The following MACROD2 variants were observed in gnomAD, a reference collection of about 807,000 sequenced individuals.
MACROD2 encodes the protein mono-ADP ribosylhydrolase 2.
Under a neutral mutation model 70.4 loss-of-function variants are expected in MACROD2, and 36 were observed. The ratio of observed to expected loss-of-function variants is 0.51; its 90% confidence interval spans 0.39 to 0.68. The LOEUF (loss-of-function observed/expected upper bound fraction) is 0.68. Ranked by LOEUF, MACROD2 falls within the 30% of genes least tolerant of loss-of-function variation. MACROD2 has a pLI of 0.00. For missense variants in MACROD2, 496 were observed against 538.4 expected (o/e 0.92, Z 0.78); for synonymous variants, 172 against 178.8 (o/e 0.96, Z 0.30).
intron 3 of MACROD2, among the ~76,000 whole-genome samples, chr20:14,347,565 C>A (rs1229215678): frequency 2.6e-5 from 4 of 152,052 alleles, no homozygotes; most frequent in Non-Finnish European, 4.4e-5. Flanking sequence ...TGGAATGTGA[C>A]CTAATCCTGC....
At chr20:15,892,994 G>A (rs1428911558) in intron 10 of MACROD2, 6 of 398,832 alleles carry the variant, frequency 1.5e-5, no homozygotes, top group African/African-American at 1.0e-4. Flanking sequence ...CAGAATGTTC[G>A]AAAGACTCTA....
intron 8 of MACROD2, among the ~76,000 whole-genome samples, chr20:15,744,828 A>T (rs12481600): frequency 0.13 from 19,867 of 152,006 alleles, 1,507 homozygotes; most frequent in Non-Finnish European, 0.16. Context: ...AACTTTTTTT[A>T]AAATTTTTTA....
intron 3 of MACROD2, among the ~76,000 whole-genome samples, chr20:14,445,056 A>G (rs942929820): frequency 1.3e-5 from 2 of 151,968 alleles, no homozygotes; most frequent in Admixed American, 1.3e-4. Flanking sequence ...GGTCTTGTTA[A>G]AATTTAAATT....
At chr20:15,371,601 T>G (rs1191254888) in intron 6 of MACROD2, among the ~76,000 whole-genome samples, 1 of 152,166 alleles carries the variant, frequency 6.6e-6, no homozygotes, top group Admixed American at 6.5e-5. Context: ...TATGGATGGA[T>G]AGTTTTTATA....
At chr20:14,037,631 G>A (rs1484688318) in intron 2 of MACROD2, among the ~76,000 whole-genome samples, 1 of 132,790 alleles carries the variant, frequency 7.5e-6, no homozygotes, top group Non-Finnish European at 1.6e-5. Flanking sequence ...CACGCCAACT[G>A]TGTGTGTGTT....
intron 5 of MACROD2, among the ~76,000 whole-genome samples, chr20:15,025,484 G>A (rs2075222886): frequency 6.6e-6 from 1 of 151,838 alleles, no homozygotes; most frequent in Non-Finnish European, 1.5e-5. Context: ...GAAACAAAGG[G>A]GGTGGGGGAG....
intron 5 of MACROD2, among the ~76,000 whole-genome samples, chr20:15,106,070 C>T (rs1209426007): frequency 6.6e-6 from 1 of 152,124 alleles, no homozygotes; most frequent in African/African-American, 2.4e-5. Context: ...CACTGCTTTG[C>T]ACCCCATAAA....
chr20:15,916,161 C>T (rs1339590443), intron 10 of MACROD2, among the ~76,000 whole-genome samples: 1 of 152,102 alleles, frequency 6.6e-6, no homozygotes, highest in Non-Finnish European at 1.5e-5. Context: ...CATATACCCC[C>T]TACCCCACCA....
At chr20:14,763,698 T>C (rs2123757495) in intron 5 of MACROD2, among the ~76,000 whole-genome samples, 1 of 152,196 alleles carries the variant, frequency 6.6e-6, no homozygotes, top group African/African-American at 2.4e-5. Context: ...ATAGAAAAAG[T>C]AACCTGTGAG....
At chr20:15,803,761 C>T (rs2063745978) in intron 8 of MACROD2, among the ~76,000 whole-genome samples, 1 of 152,144 alleles carries the variant, frequency 6.6e-6, no homozygotes, top group Non-Finnish European at 1.5e-5. Flanking sequence ...GTAGACCAGG[C>T]TTTTCCATCC....
intron 8 of MACROD2, among the ~76,000 whole-genome samples, chr20:15,679,464 C>A (rs1269762073): frequency 8.6e-6 from 1 of 116,808 alleles, no homozygotes; most frequent in African/African-American, 3.1e-5. Context: ...TGAACTGCAC[C>A]CCCCAAGGTT....
At chr20:14,076,316 A>C (rs2053915786) in intron 2 of MACROD2, among the ~76,000 whole-genome samples, 1 of 152,170 alleles carries the variant, frequency 6.6e-6, no homozygotes. Context: ...TAAATATTCC[A>C]AAAACTCCCA....
chr20:14,404,395 G>T (rs2083670856), intron 3 of MACROD2, among the ~76,000 whole-genome samples: 1 of 152,154 alleles, frequency 6.6e-6, no homozygotes. Flanking sequence ...GGAAGGCTGA[G>T]GTCGGCAGAT....
intron 3 of MACROD2, among the ~76,000 whole-genome samples, chr20:14,180,371 A>G (rs894785029): frequency 4.6e-5 from 7 of 152,118 alleles, no homozygotes; most frequent in African/African-American, 1.2e-4. Context: ...TTCCAGGTTA[A>G]TTCTTGCTTG....
At chr20:14,082,066 T>C (rs2054001766) in intron 2 of MACROD2, among the ~76,000 whole-genome samples, 1 of 152,148 alleles carries the variant, frequency 6.6e-6, no homozygotes. Flanking sequence ...TCTCAAAATA[T>C]TCCATTTTAA....
intron 5 of MACROD2, among the ~76,000 whole-genome samples, chr20:15,038,982 G>A (rs142319146): frequency 4.2e-4 from 64 of 152,248 alleles, no homozygotes; most frequent in African/African-American, 1.4e-3. Flanking sequence ...CCACTGTCAG[G>A]GCAAAGAAGT....
intron 5 of MACROD2, among the ~76,000 whole-genome samples, chr20:14,861,420 T>A (rs2073315334): frequency 1.3e-5 from 2 of 151,950 alleles, no homozygotes; most frequent in African/African-American, 2.4e-5. Context: ...CAAGACACAG[T>A]CATAGAAAGA....
Position 15,330,446 on chromosome 20 carries a change from G to T in MACROD2, c.540+100385G>T, listed in dbSNP as rs912564143. 4.4e-4 allele frequency among the ~76,000 whole-genome samples: 67 copies of T among 151,584 alleles called. 1 individual carries two copies. The highest frequency in any genetic ancestry group is 1.6e-3 in the African/African-American group (65 of 41,008). On this transcript the variant is annotated intron_variant, in intron 6 of 17. Coordinates refer to ENST00000684519, the MANE Select transcript of MACROD2 (RefSeq NM_001351661.2). Reference sequence around the variant, plus strand: ...GAAAACGGATGGAAAATGCAGAAGGGCCTCTCCCTATCAGAAGGAGAACTG... The same window carrying T: ...GAAAACGGATGGAAAATGCAGAAGGTCCTCTCCCTATCAGAAGGAGAACTG...
At chr20:14,491,388 A>G (rs1172826245) in intron 3 of MACROD2, among the ~76,000 whole-genome samples, 1 of 152,216 alleles carries the variant, frequency 6.6e-6, no homozygotes, top group Admixed American at 6.5e-5. Flanking sequence ...ATATGATCAA[A>G]CAGTTTAAAT....
Sources: allele counts gnomAD v4.1 joint callset (sites outside exome capture counted in the v4.1 genomes callset), GRCh38; gene constraint gnomAD v4.1.1; transcripts MANE v1.5; gene names NCBI Gene and HGNC (gene_info 2026-07-23, HGNC 2026-07-21).